Variants in PPM1A observed in about 807,000 individuals in gnomAD.
The protein encoded by PPM1A is protein phosphatase 1A.
Under a neutral mutation model 35.0 loss-of-function variants are expected in PPM1A, and 7 were observed. That is an observed-to-expected ratio of 0.20 (90% CI 0.11 to 0.38). The LOEUF is 0.38. Among genes scored for constraint, PPM1A ranks in the 10% least tolerant of loss-of-function variants. PPM1A has a pLI of 1.00. For missense variants in PPM1A, 239 were observed against 467.8 expected (o/e 0.51, Z 4.51); for synonymous variants, 153 against 167.3 (o/e 0.91, Z 0.66).
chr14:60,254,389 A>T (rs1480384568), intron 1 of PPM1A, among the ~76,000 whole-genome samples: 2 of 152,090 alleles, frequency 1.3e-5, no homozygotes, highest in African/African-American at 2.4e-5. Flanking sequence ...TAAATTGCGG[A>T]TAAAGAGTAA....
rs1236483199 is a variant in PPM1A, at chr14:60,282,803, G to T, written c.100G>T (p.Val34Phe). The stretch of plus-strand genomic sequence containing the variant: ...GCTAAGCAGCATGCAAGGCTGGCGT[G>T]TTGAAATGGAGGATGCACATACGGC... ...YGLSSMQGWRVEMEDAHTAVI... is the reference protein window; with the variant it reads ...YGLSSMQGWRFEMEDAHTAVI... The change falls in exon 2 of 6, where the codon GTT becomes TTT. Residue 34 changes from valine (V) to phenylalanine (F), a missense_variant. Val to Phe is a conservative substitution (Grantham distance 50). Transcript: ENST00000395076. The surrounding 1 kb of genome is among the most constrained non-coding windows in gnomAD (Gnocchi z 5.1). 4 of 1,614,130 alleles carry T rather than the reference G, an allele frequency of 2.5e-6. No individual in the cohort carries two copies. The highest frequency in any genetic ancestry group is 3.4e-6 in the Non-Finnish European group (4 of 1,180,056).
At chr14:60,260,672 A>T (rs1017297078) in intron 1 of PPM1A, among the ~76,000 whole-genome samples, 2 of 152,116 alleles carry the variant, frequency 1.3e-5, no homozygotes, top group Admixed American at 1.3e-4. Flanking sequence ...TGTACTCATT[A>T]GCAGTCACTC....
At chr14:60,284,847 C>A (rs1886816363) in intron 2 of PPM1A, among the ~76,000 whole-genome samples, 1 of 151,616 alleles carries the variant, frequency 6.6e-6, no homozygotes, top group Non-Finnish European at 1.5e-5. Flanking sequence ...AAAATCAAGG[C>A]CCTTGACTTG....
At position 60,249,871 on chromosome 14, in the gene PPM1A, C is replaced by T. The variant is rs1381846972; in HGVS notation, c.-21+194C>T. Among the ~76,000 whole-genome samples, 2 of 150,968 alleles carry T rather than the reference C, an allele frequency of 1.3e-5. No individual in the cohort carries two copies. The highest frequency in any genetic ancestry group is 3.0e-5 in the Non-Finnish European group (2 of 67,566). ...CGGCGGACGGCGAGGGGTTAACGCTCGGCGAGGGCGGTGGCGGGGAGGCGG... is the reference window on the plus strand; with the variant it reads ...CGGCGGACGGCGAGGGGTTAACGCTTGGCGAGGGCGGTGGCGGGGAGGCGG... On this transcript the variant is annotated intron_variant, in intron 1 of 5. Transcript: ENST00000395076. This position sits in a 1 kb window ranked among gnomAD's most constrained non-coding sequence, Gnocchi z 4.5.
upstream of PPM1A, among the ~76,000 whole-genome samples, chr14:60,246,991 G>A (rs374290922): frequency 1.3e-5 from 2 of 152,192 alleles, no homozygotes; most frequent in Non-Finnish European, 2.9e-5. Context: ...AGATAGGCAG[G>A]CATTTCAAGT....
At chr14:60,287,737 G>A (rs17256080) in intron 3 of PPM1A, 59,340 of 984,046 alleles carry the variant, frequency 0.06, 1,979 homozygotes, top group Middle Eastern at 0.097. Flanking sequence ...CTCTCTGGGG[G>A]TGTGAAAAGA....
intron 1 of PPM1A, among the ~76,000 whole-genome samples, chr14:60,257,615 T>A (rs1883284784): frequency 6.6e-6 from 1 of 152,210 alleles, no homozygotes; most frequent in African/African-American, 2.4e-5. Flanking sequence ...AATTGTCTAT[T>A]GTACTGTTTT....
At chr14:60,262,154 A>C (rs1278916721) in intron 1 of PPM1A, among the ~76,000 whole-genome samples, 1 of 152,226 alleles carries the variant, frequency 6.6e-6, no homozygotes, top group Non-Finnish European at 1.5e-5. Context: ...AACCAAGTTT[A>C]CAAAATGTCT....
chr14:60,275,495 T>A (rs1885643720), intron 1 of PPM1A, among the ~76,000 whole-genome samples: 1 of 152,198 alleles, frequency 6.6e-6, no homozygotes, highest in Non-Finnish European at 1.5e-5. Flanking sequence ...TTATTATTTT[T>A]ATTTTTTTAG....
chr14:60,250,249 T>TC (rs893086785), intron 1 of PPM1A: 12 of 162,858 alleles, frequency 7.4e-5, no homozygotes, highest in African/African-American at 2.9e-4. Flanking sequence ...TGCCTCTAGT[T>TC]CATTCATTAT....
chr14:60,286,516 G>A (rs1887027876), intron 3 of PPM1A: 5 of 985,046 alleles, frequency 5.1e-6, no homozygotes, highest in Non-Finnish European at 6.0e-6. Context: ...GTGAGCTGAG[G>A]TAGAAAAAAA....
chr14:60,291,540 A>G, intron 5 of PPM1A, 86 bp downstream of exon 5: 2 of 1,116,188 alleles, frequency 1.8e-6, no homozygotes, highest in Admixed American at 2.2e-5. Context: ...AGAGCTGTTC[A>G]CTGTACCCAT....
chr14:60,289,067 CTG>C lies in PPM1A; in HGVS notation c.953-738_953-737del, dbSNP rs1165415549. Among the ~76,000 whole-genome samples the C allele has an allele frequency of 6.6e-6, 1 of 152,086 alleles. No homozygotes were observed. Among genetic ancestry groups the C allele is most frequent in the East Asian group, 1.9e-4 (1 of 5,194 alleles). On this transcript the variant is annotated intron_variant, in intron 3 of 5. Transcript: ENST00000395076. The surrounding 1 kb of genome is among the most constrained non-coding windows in gnomAD (Gnocchi z 4.1). The stretch of plus-strand genomic sequence containing the variant: ...TCATATTGCTGTGCCCTTTTAATAA[CTG>C]GATATTTTAAAATTATTTTAAATGC...
At chr14:60,255,932 A>G (rs1883079014) in intron 1 of PPM1A, among the ~76,000 whole-genome samples, 1 of 152,226 alleles carries the variant, frequency 6.6e-6, no homozygotes, top group South Asian at 2.1e-4. Context: ...AAATATTATC[A>G]TGAACTTTGT....
chr14:60,267,035 T>C (rs1884467893), intron 1 of PPM1A, among the ~76,000 whole-genome samples: 1 of 152,202 alleles, frequency 6.6e-6, no homozygotes, highest in South Asian at 2.1e-4. Flanking sequence ...ATCATTTTCA[T>C]ATATGGTTTT....
intron 1 of PPM1A, among the ~76,000 whole-genome samples, chr14:60,276,378 T>A (rs894236891): frequency 6.6e-6 from 1 of 152,150 alleles, no homozygotes; most frequent in Non-Finnish European, 1.5e-5. Context: ...AGATTTCTTA[T>A]CTCTAATGCA....
In PPM1A at chr14:60,289,623, G is replaced by A. The variant is rs1595372883; in HGVS notation, c.953-183G>A. On this transcript the variant is annotated intron_variant, in intron 3 of 5. Coordinates refer to ENST00000395076, the MANE Select transcript of PPM1A (RefSeq NM_021003.5). This position sits in a 1 kb window ranked among gnomAD's most constrained non-coding sequence, Gnocchi z 4.1. ...TGAAGTTAATCTTATATGTCATTTT[G>A]TGCATTTTTTGTCATAAATCTTCAA... Among the ~76,000 whole-genome samples the A allele has an allele frequency of 6.8e-6, 1 of 147,918 alleles. No individual in the cohort carries two copies.
chr14:60,283,572 T>G lies in PPM1A; in HGVS notation c.834+35T>G. 8 of 1,555,042 alleles carry G rather than the reference T, an allele frequency of 5.1e-6. No homozygotes were observed. The highest frequency in any genetic ancestry group is 6.9e-6 in the Non-Finnish European group (8 of 1,155,520). Reference sequence around the variant, plus strand: ...CTTTTTTTAAAAACATAAAATGATTTTATGCCATATTAATCACTACTCTAG... The same window carrying G: ...CTTTTTTTAAAAACATAAAATGATTGTATGCCATATTAATCACTACTCTAG... On this transcript the variant is annotated intron_variant, in intron 2 of 5. Coordinates refer to ENST00000395076, the MANE Select transcript of PPM1A (RefSeq NM_021003.5). This position sits in a 1 kb window ranked among gnomAD's most constrained non-coding sequence, Gnocchi z 6.3.
chr14:60,254,165 G>A lies in PPM1A; in HGVS notation c.-21+4488G>A, dbSNP rs145684782. Among the ~76,000 whole-genome samples, 657 of 152,310 alleles carry A rather than the reference G, an allele frequency of 4.3e-3. 5 individuals carry two copies. Among genetic ancestry groups the A allele is most frequent in the African/African-American group, 0.015 (627 of 41,566 alleles). ...CTTAGTATGAGAGGGTTGTCTTTCA[G>A]TATAGCTTTTGCAGTGTGCCTGGAA... On this transcript the variant is annotated intron_variant, in intron 1 of 5. Coordinates refer to ENST00000395076, the MANE Select transcript of PPM1A (RefSeq NM_021003.5).
Sources: gnomAD v4.1 joint callset for allele counts (sites outside exome capture counted in the v4.1 genomes callset) on GRCh38, gnomAD v4.1.1 for gene constraint, Gnocchi (gnomAD v3.1) non-coding constraint, MANE v1.5 for transcripts, NCBI Gene and HGNC (gene_info 2026-07-23, HGNC 2026-07-21) for gene names.